Variants in CEP162 observed in about 807,000 individuals in gnomAD.
The protein encoded by CEP162 is centrosomal protein of 162 kDa.
CEP162 carries 141 observed loss-of-function variants against 169.2 expected under a neutral mutation model. The ratio of observed to expected loss-of-function variants is 0.83; its 90% confidence interval spans 0.73 to 0.96. CEP162 has a LOEUF of 0.96. Among genes scored for constraint, CEP162 ranks in the 40% least tolerant of loss-of-function variants. CEP162 has a pLI of 0.00. For missense variants in CEP162, 1,600 were observed against 1,587.2 expected, an observed-to-expected ratio of 1.01 and a Z score of -0.14; for synonymous variants, 540 against 526.4, an observed-to-expected ratio of 1.03 and a Z score of -0.35.
At chr6:84,140,234 A>G (rs953837661) in intron 25 of CEP162, among the ~76,000 whole-genome samples, 2 of 152,138 alleles carry the variant, frequency 1.3e-5, no homozygotes, top group Admixed American at 6.5e-5. Flanking sequence ...ACGGCAGTCC[A>G]TTAGGAGCCT....
intron 18 of CEP162, among the ~76,000 whole-genome samples, chr6:84,169,010 AC>A (rs2099528910): frequency 6.6e-6 from 1 of 152,190 alleles, no homozygotes; most frequent in Non-Finnish European, 1.5e-5. Flanking sequence ...AATAAGGTAT[AC>A]ATGTCCTAAA....
intron 6 of CEP162, among the ~76,000 whole-genome samples, chr6:84,211,138 T>C (rs1476967221): frequency 6.6e-6 from 1 of 151,720 alleles, no homozygotes; most frequent in African/African-American, 2.4e-5. Context: ...ATGTTTAATA[T>C]TAAGGACTTG....
At chr6:84,220,006 T>C (rs1025817623) in intron 3 of CEP162, among the ~76,000 whole-genome samples, 5 of 152,214 alleles carry the variant, frequency 3.3e-5, no homozygotes, top group Admixed American at 6.5e-5. Flanking sequence ...GGCATTCTAA[T>C]GGCAAGGAAG....
At chr6:84,185,557 T>C (rs1208433670) in intron 12 of CEP162, 109 bp from the exon 13 acceptor site, 4 of 969,052 alleles carry the variant, frequency 4.1e-6, no homozygotes, top group Non-Finnish European at 6.0e-6. Flanking sequence ...ATAATGTAGT[T>C]TGTAAAAGGC....
At chr6:84,166,494 C>T (rs2099527899) in intron 18 of CEP162, among the ~76,000 whole-genome samples, 1 of 152,156 alleles carries the variant, frequency 6.6e-6, no homozygotes, top group African/African-American at 2.4e-5. Flanking sequence ...TAATTATTCA[C>T]TTGTGTATCT....
At chr6:84,199,523 A>G (rs1444473762) in intron 9 of CEP162, among the ~76,000 whole-genome samples, 1 of 149,594 alleles carries the variant, frequency 6.7e-6, no homozygotes, top group East Asian at 2.0e-4. Context: ...AGACTTTTCT[A>G]TAGGTATACT....
At chr6:84,164,836 C>T (rs918811913) in intron 18 of CEP162, among the ~76,000 whole-genome samples, 6 of 152,054 alleles carry the variant, frequency 3.9e-5, no homozygotes, top group Non-Finnish European at 8.8e-5. Context: ...CCATTCAGTA[C>T]ATGTATCCCA....
intron 22 of CEP162, among the ~76,000 whole-genome samples, chr6:84,154,837 C>A (rs572846830): frequency 2.0e-3 from 309 of 152,192 alleles, no homozygotes; most frequent in African/African-American, 7.3e-3. Flanking sequence ...ATTCCTGTTT[C>A]ACAAAATAAT....
At chr6:84,138,643 C>T (rs2099515170) in intron 25 of CEP162, among the ~76,000 whole-genome samples, 1 of 152,196 alleles carries the variant, frequency 6.6e-6, no homozygotes, top group Non-Finnish European at 1.5e-5. Context: ...AAATCATGTG[C>T]TGCGTCTTCT....
In CEP162 at chr6:84,141,107, C is replaced by T. The variant is rs532272006; in HGVS notation, c.3870+5580G>A. Among the ~76,000 whole-genome samples the T allele has an allele frequency of 5.2e-3, 781 of 150,722 alleles. 6 individuals carry two copies. Among genetic ancestry groups the T allele is most frequent in the African/African-American group, 0.019 (744 of 40,066 alleles). Reference sequence around the variant, plus strand: ...CGGAGATCAGGCAGTAATGCTCACTCGCCCCCTGCTCATCTGCTGAGAGGC... The same window carrying T: ...CGGAGATCAGGCAGTAATGCTCACTTGCCCCCTGCTCATCTGCTGAGAGGC... On this transcript the variant is annotated intron_variant, in intron 25 of 26. Coordinates refer to ENST00000403245, the MANE Select transcript of CEP162 (RefSeq NM_014895.4).
intron 18 of CEP162, among the ~76,000 whole-genome samples, chr6:84,166,744 C>T (rs1053747623): frequency 6.6e-6 from 1 of 152,144 alleles, no homozygotes; most frequent in African/African-American, 2.4e-5. Context: ...TTATAACCAA[C>T]TAACATTTTA....
At chr6:84,172,703 A>T (rs2099530649) in intron 16 of CEP162, among the ~76,000 whole-genome samples, 1 of 152,184 alleles carries the variant, frequency 6.6e-6, no homozygotes, top group African/African-American at 2.4e-5. Flanking sequence ...GTCCTGCAAA[A>T]TCATTCCAAT....
intron 18 of CEP162, among the ~76,000 whole-genome samples, chr6:84,164,025 C>CA (rs1180858368): frequency 6.8e-6 from 1 of 147,206 alleles, no homozygotes; most frequent in African/African-American, 2.5e-5. Flanking sequence ...AAAAAACCAT[C>CA]AAAAAGTGGG....
At chr6:84,140,713 T>TG (rs1562004888) in intron 25 of CEP162, among the ~76,000 whole-genome samples, 1 of 152,006 alleles carries the variant, frequency 6.6e-6, no homozygotes, top group African/African-American at 2.4e-5. Context: ...TTTATAGAGA[T>TG]GATGTCTCGT....
intron 15 of CEP162, 53 bp downstream of exon 15, chr6:84,174,674 C>CT (rs61309212): frequency 0.064 from 41,389 of 651,202 alleles, no homozygotes; most frequent in South Asian, 0.076. Context: ...GGGAATTCAG[C>CT]TTTTTTTTTT....
At chr6:84,194,328 C>T (rs1295995550) in intron 10 of CEP162, among the ~76,000 whole-genome samples, 1 of 144,078 alleles carries the variant, frequency 6.9e-6, no homozygotes, top group Non-Finnish European at 1.5e-5. Context: ...GCACTCCAGC[C>T]TGGGCGACAG....
At chr6:84,134,437 C>T (rs189874613) in intron 25 of CEP162, among the ~76,000 whole-genome samples, 23 of 152,296 alleles carry the variant, frequency 1.5e-4, no homozygotes, top group East Asian at 9.7e-4. Context: ...CCCAAACGGC[C>T]GCCCAGTTTT....
At chr6:84,143,026 A>G (rs952625570) in intron 25 of CEP162, among the ~76,000 whole-genome samples, 5 of 152,110 alleles carry the variant, frequency 3.3e-5, no homozygotes, top group Admixed American at 3.3e-4. Context: ...AAAGTCTTCA[A>G]TAATTACTAT....
rs1562041787 is a variant in CEP162, at chr6:84,174,068, GTGTCTCT to G, written c.2139_2145del (p.Gln713HisfsTer17). 6.2e-7 allele frequency: 1 copy of G among 1,612,216 alleles called. No individual in the cohort carries two copies. The highest frequency in any genetic ancestry group is 1.1e-5 in the South Asian group (1 of 90,758). On this transcript the variant is annotated frameshift_variant, in exon 16 of 27. Coordinates refer to ENST00000403245, the MANE Select transcript of CEP162 (RefSeq NM_014895.4). LOFTEE classifies it high-confidence loss of function. ...CATACCTGTTGATATCCTTGAAGAAGTGTCTCTTGTTCTTGTATTTCTTTTTGGATTT... is the reference window on the plus strand; with the variant it reads ...CATACCTGTTGATATCCTTGAAGAAGTGTTCTTGTATTTCTTTTTGGATTT...
Sources: allele counts gnomAD v4.1 joint callset (sites outside exome capture counted in the v4.1 genomes callset), GRCh38; gene constraint gnomAD v4.1.1; transcripts MANE v1.5; gene names NCBI Gene and HGNC (gene_info 2026-07-23, HGNC 2026-07-21).